Variants in FOXP2 observed in about 807,000 individuals in gnomAD.
The protein encoded by FOXP2 is forkhead box protein P2.
In FOXP2, 12 loss-of-function variants were observed where a neutral mutation model predicts 115.8. The ratio of observed to expected loss-of-function variants is 0.10; its 90% CI spans 0.07 to 0.17. The LOEUF is 0.17. FOXP2 is among the 10% of genes least tolerant of loss of function. The pLI, the probability that FOXP2 is intolerant of heterozygous loss-of-function variation, is 1.00. For synonymous variants in FOXP2, 328 were observed against 297.7 expected, an observed-to-expected ratio of 1.10 and a Z score of -1.05; for missense variants, 629 against 843.5, an observed-to-expected ratio of 0.75 and a Z score of 3.15.
chr7:114,509,629 G>T (rs1387881816), intron 2 of FOXP2, among the ~76,000 whole-genome samples: 1 of 146,904 alleles, frequency 6.8e-6, no homozygotes, highest in African/African-American at 2.5e-5. Flanking sequence ...AATTGAAAAA[G>T]AGCAGAAGGG....
chr7:114,251,631 T>A (rs1488823436), intron 1 of FOXP2, among the ~76,000 whole-genome samples: 2 of 152,176 alleles, frequency 1.3e-5, no homozygotes, highest in Non-Finnish European at 1.5e-5. Flanking sequence ...ATTTTTGCAC[T>A]TTGAATTTGT....
intron 3 of FOXP2, chr7:114,538,428 G>T: frequency 2.6e-6 from 3 of 1,137,604 alleles, no homozygotes; most frequent in Non-Finnish European, 3.6e-6. Flanking sequence ...TTAGTTTTTA[G>T]CATTGTAATC....
chr7:114,184,018 T>A (rs1462889788), intron 1 of FOXP2, among the ~76,000 whole-genome samples: 5 of 152,206 alleles, frequency 3.3e-5, no homozygotes, highest in African/African-American at 1.2e-4. Flanking sequence ...AGTAAGAATT[T>A]CTTTATTTTT....
At chr7:114,518,331 T>C (rs934320261) in intron 2 of FOXP2, among the ~76,000 whole-genome samples, 5 of 152,200 alleles carry the variant, frequency 3.3e-5, no homozygotes, top group African/African-American at 1.2e-4. Flanking sequence ...TTAAGTGTTC[T>C]TATTTTCCTT....
chr7:114,195,486 A>G (rs1793879924), intron 1 of FOXP2, among the ~76,000 whole-genome samples: 1 of 152,176 alleles, frequency 6.6e-6, no homozygotes, highest in Non-Finnish European at 1.5e-5. Flanking sequence ...ATATAATTAC[A>G]TAAGTAATGT....
intron 3 of FOXP2, among the ~76,000 whole-genome samples, chr7:114,588,764 A>G (rs1199940138): frequency 2.0e-5 from 3 of 152,208 alleles, no homozygotes; most frequent in Non-Finnish European, 4.4e-5. Context: ...CTCCATACAC[A>G]AACCCTTAAA....
chr7:114,387,446 C>T (rs1792481385), intron 2 of FOXP2, among the ~76,000 whole-genome samples: 1 of 152,122 alleles, frequency 6.6e-6, no homozygotes, highest in African/African-American at 2.4e-5. Context: ...TTAAGAATTT[C>T]CTTCTTCTCC....
chr7:114,164,692 A>G (rs1255156295), intron 1 of FOXP2, among the ~76,000 whole-genome samples: 1 of 152,222 alleles, frequency 6.6e-6, no homozygotes, highest in Non-Finnish European at 1.5e-5. Context: ...AAGAAATACT[A>G]CAAACCTTAC....
chr7:114,430,867 AGCAC>A (rs2129207180), intron 2 of FOXP2, among the ~76,000 whole-genome samples: 1 of 152,080 alleles, frequency 6.6e-6, no homozygotes, highest in Admixed American at 6.6e-5. Context: ...TTCTAGGTTA[AGCAC>A]ACATAAGATA....
intron 6 of FOXP2, among the ~76,000 whole-genome samples, chr7:114,639,431 A>G (rs973067112): frequency 2.6e-5 from 4 of 152,180 alleles, no homozygotes; most frequent in Admixed American, 6.6e-5. Flanking sequence ...TCCTACTCTT[A>G]TAAAACTTCA....
intron 1 of FOXP2, among the ~76,000 whole-genome samples, chr7:114,198,312 T>A (rs1034207320): frequency 6.6e-6 from 1 of 152,178 alleles, no homozygotes; most frequent in Admixed American, 6.5e-5. Context: ...GAAGTGGTCA[T>A]AGAAATCATT....
chr7:114,414,540 A>C (rs373538698), upstream of FOXP2: 4 of 153,408 alleles, frequency 2.6e-5, no homozygotes, highest in Admixed American at 6.5e-5. Context: ...GATTTCAATT[A>C]AGGTTAGTAA....
Position 114,691,658 on chromosome 7 carries a change from TC to T in FOXP2, c.*1737del, listed in dbSNP as rs1563083004. 8.8e-6 allele frequency: 4 copies of T among 453,814 alleles called. No individual in the cohort carries two copies. The highest frequency in any genetic ancestry group is 6.9e-5 in the East Asian group (1 of 14,408). 28.1% of individuals were successfully genotyped at this position (453,814 alleles called of 1,614,324 possible). On this transcript the variant is annotated 3_prime_UTR_variant, in exon 17 of 17. Coordinates refer to ENST00000350908, the MANE Select transcript of FOXP2 (RefSeq NM_014491.4). ...TGTGCCAAGTCTTGATAATACTTTTTCCCCCAACCAAGGGACCTCATAACCT... is the reference window on the plus strand; with the variant it reads ...TGTGCCAAGTCTTGATAATACTTTTTCCCCAACCAAGGGACCTCATAACCT...
chr7:114,115,277 T>A (rs757815758), intron 1 of FOXP2, among the ~76,000 whole-genome samples: 4 of 152,180 alleles, frequency 2.6e-5, no homozygotes, highest in Admixed American at 6.5e-5. Flanking sequence ...ATTTGTTGAA[T>A]GAATTAATGG....
chr7:114,294,883 C>CATACATACATGCATGCATGCATAT (rs1796703029), intron 2 of FOXP2, among the ~76,000 whole-genome samples: 2 of 151,692 alleles, frequency 1.3e-5, no homozygotes, highest in Admixed American at 6.6e-5. Flanking sequence ...TACATACATA[C>CATACATACATGCATGCATGCATAT]ATACATACAT....
intron 2 of FOXP2, among the ~76,000 whole-genome samples, chr7:114,527,423 C>G (rs1345257779): frequency 1.3e-5 from 2 of 151,874 alleles, no homozygotes; most frequent in African/African-American, 4.8e-5. Context: ...TCATTGTCTT[C>G]CTTTTCACTA....
chr7:114,249,093 C>G (rs1413516577), intron 1 of FOXP2, among the ~76,000 whole-genome samples: 4 of 152,124 alleles, frequency 2.6e-5, no homozygotes, highest in East Asian at 1.9e-4. Context: ...GAATGTCAGA[C>G]AGCATTATGT....
At chr7:114,375,095 G>A (rs1305956684) in intron 2 of FOXP2, among the ~76,000 whole-genome samples, 1 of 150,600 alleles carries the variant, frequency 6.6e-6, no homozygotes, top group African/African-American at 2.4e-5. Flanking sequence ...TACGATTTTT[G>A]TAAAAAAAAA....
At chr7:114,198,323 G>C (rs1372665996) in intron 1 of FOXP2, among the ~76,000 whole-genome samples, 1 of 152,132 alleles carries the variant, frequency 6.6e-6, no homozygotes. Context: ...AGAAATCATT[G>C]AGACCATTTT....
Sources: allele counts gnomAD v4.1 joint callset (sites outside exome capture counted in the v4.1 genomes callset), GRCh38; gene constraint gnomAD v4.1.1; transcripts MANE v1.5; gene names NCBI Gene and HGNC (gene_info 2026-07-23, HGNC 2026-07-21).